The following DISC1 variants were observed in gnomAD, a reference collection of about 807,000 sequenced individuals.
The protein encoded by DISC1 is disrupted in schizophrenia 1 protein.
A neutral mutation model predicts 84.5 loss-of-function variants in DISC1; 57 were observed. That is an observed-to-expected ratio of 0.67 (90% CI 0.55 to 0.84). The LOEUF is 0.84. Among genes scored for constraint, DISC1 ranks in the 40% least tolerant of loss-of-function variants. DISC1 has a pLI of 0.00. For missense variants in DISC1, 1,000 were observed against 1,057.8 expected, an observed-to-expected ratio of 0.95 and a Z score of 0.76; for synonymous variants, 411 against 415.2, an observed-to-expected ratio of 0.99 and a Z score of 0.12.
intron 9 of DISC1, among the ~76,000 whole-genome samples, chr1:231,934,148 A>AG (rs1174400306): frequency 1.3e-5 from 2 of 152,182 alleles, no homozygotes; most frequent in African/African-American, 4.8e-5. Flanking sequence ...AGGCAGGAAA[A>AG]GGGGGGTGAC....
rs999003833 is a variant in DISC1 at position 231,698,616 on chromosome 1, T to A, written c.1048-3339T>A. 7.9e-6 allele frequency among the ~76,000 whole-genome samples: 1 copy of A among 125,908 alleles called. No homozygotes were observed. The allele number at this position is 125,908 out of a possible 152,430, so 82.6% of individuals were successfully genotyped here. On this transcript the variant is annotated intron_variant, in intron 2 of 12. Transcript: ENST00000439617. This position sits in a 1 kb window ranked among gnomAD's most constrained non-coding sequence, Gnocchi z 4.9. ...TCAGGGCAGTCCATTCAGGGCCTTA[T>A]AGAGATCACTGGACGAGGTGGGCAT...
intron 11 of DISC1, among the ~76,000 whole-genome samples, chr1:232,019,670 A>G (rs1235959316): frequency 6.6e-6 from 1 of 152,158 alleles, no homozygotes; most frequent in Non-Finnish European, 1.5e-5. Flanking sequence ...GGTTCAGAAT[A>G]TGTTTATTTG....
At chr1:231,875,844 C>T (rs540098142) in intron 9 of DISC1, among the ~76,000 whole-genome samples, 18 of 152,158 alleles carry the variant, frequency 1.2e-4, no homozygotes, top group Admixed American at 3.9e-4. Context: ...GAATTGGGGC[C>T]ACAAATAAAG....
rs76830016 is a variant in DISC1, at chr1:231,994,692, G to A, written c.2043-14093G>A. On this transcript the variant is annotated intron_variant, in intron 10 of 12. Transcript: ENST00000439617. Reference sequence around the variant, plus strand: ...TGGTGCTGGGAGTGGGGATGGGGATGAGGATGATGAGGATGATGATGAGTA... The same window carrying A: ...TGGTGCTGGGAGTGGGGATGGGGATAAGGATGATGAGGATGATGATGAGTA... Among the ~76,000 whole-genome samples the A allele has an allele frequency of 4.0e-3, 610 of 152,322 alleles. 21 individuals carry two copies. The South Asian group carries it at 0.085, about 21-fold the overall frequency.
chr1:231,650,458 T>G (rs1452503549), intron 1 of DISC1, among the ~76,000 whole-genome samples: 1 of 152,246 alleles, frequency 6.6e-6, no homozygotes, highest in African/African-American at 2.4e-5. Flanking sequence ...CTTCCCTTTG[T>G]GGGTAACCCG....
intron 3 of DISC1, among the ~76,000 whole-genome samples, chr1:231,716,880 G>C (rs775294347): frequency 6.6e-6 from 1 of 152,028 alleles, no homozygotes; most frequent in Admixed American, 6.6e-5. Context: ...CTGGGTGATG[G>C]ACTGGACAGC....
At chr1:231,830,243 T>G (rs7517457) in intron 9 of DISC1, among the ~76,000 whole-genome samples, 132,939 of 152,164 alleles carry the variant, frequency 0.87, 58,113 homozygotes, top group Non-Finnish European at 0.89. Context: ...GAGTGGGAGA[T>G]ATTAAGCTGA....
Position 231,818,192 on chromosome 1 carries a change from T to C in DISC1, c.1793-137T>C, listed in dbSNP as rs974488876. The C allele has an allele frequency of 1.2e-5, 11 of 915,092 alleles. No individual in the cohort carries two copies. In the Admixed American group the frequency reaches 1.8e-4, roughly 15 times the overall value. 56.7% of individuals were successfully genotyped at this position (915,092 alleles called of 1,614,324 possible). A position where few individuals can be genotyped will look rare whatever the true frequency, so the allele number is the denominator to read the frequency against. ...CCAGGTTCTTTCCCCAGAGGACTGC[T>C]AAGGAAATTGTACATAATCTCAAAG... On this transcript the variant is annotated intron_variant, in intron 8 of 12. Coordinates refer to ENST00000439617, the MANE Select transcript of DISC1 (RefSeq NM_018662.3).
intron 9 of DISC1, among the ~76,000 whole-genome samples, chr1:231,860,628 A>AT (rs1475430407): frequency 2.6e-5 from 4 of 152,010 alleles, no homozygotes; most frequent in African/African-American, 9.7e-5. Flanking sequence ...AAGGGCCAAC[A>AT]TTTTTTCCCT....
rs551231564 is a variant in DISC1 at position 231,859,982 on chromosome 1, T to G, written c.1981+41465T>G. ...TCCCATGGCAAGGTGGCTTCCAGTT[T>G]TCATACTCTGTAAAAGGCTTAGTGA... is the stretch of plus-strand genomic sequence containing the variant. On this transcript the variant is annotated intron_variant, in intron 9 of 12. Transcript: ENST00000439617. Among the ~76,000 whole-genome samples the G allele has an allele frequency of 2.0e-5, 3 of 152,314 alleles. No individual in the cohort carries two copies. The East Asian group carries it at 5.8e-4, about 29-fold the overall frequency.
chr1:231,765,482 T>G (rs937469237), intron 4 of DISC1, among the ~76,000 whole-genome samples: 1 of 152,220 alleles, frequency 6.6e-6, no homozygotes, highest in African/African-American at 2.4e-5. Flanking sequence ...TTCTGCCATA[T>G]GTGTAGCAAT....
intron 10 of DISC1, among the ~76,000 whole-genome samples, chr1:231,963,830 G>C (rs1660728166): frequency 6.6e-6 from 1 of 152,096 alleles, no homozygotes; most frequent in African/African-American, 2.4e-5. Flanking sequence ...ACTTTAAGGG[G>C]GTCTGCGTGA....
Position 231,898,333 on chromosome 1 carries a change from T to C in DISC1, c.1982-60495T>C, listed in dbSNP as rs531390859. ...CACTGTTTTCATGTTCAGAAGGAACTCAGGGGTGGGCCAGTTCTGGAGTCC... is the reference window on the plus strand; with the variant it reads ...CACTGTTTTCATGTTCAGAAGGAACCCAGGGGTGGGCCAGTTCTGGAGTCC... On this transcript the variant is annotated intron_variant, in intron 9 of 12. Coordinates refer to ENST00000439617, the MANE Select transcript of DISC1 (RefSeq NM_018662.3). 3.3e-5 allele frequency among the ~76,000 whole-genome samples: 5 copies of C among 152,316 alleles called. No homozygotes were observed. In the South Asian group the frequency reaches 8.3e-4, roughly 25 times the overall value.
chr1:231,691,655 A>G (rs886653501), intron 1 of DISC1, among the ~76,000 whole-genome samples: 12 of 152,248 alleles, frequency 7.9e-5, no homozygotes, highest in Non-Finnish European at 2.9e-5. Context: ...ATTTTTCAAG[A>G]TACGAAATTG....
intron 3 of DISC1, among the ~76,000 whole-genome samples, chr1:231,739,538 C>A (rs1346905211): frequency 6.6e-6 from 1 of 152,172 alleles, no homozygotes; most frequent in Non-Finnish European, 1.5e-5. Flanking sequence ...TGTACAGGCT[C>A]CCAACTTACC....
intron 6 of DISC1, among the ~76,000 whole-genome samples, chr1:231,791,769 G>A (rs138002284): frequency 3.3e-5 from 5 of 152,298 alleles, no homozygotes; most frequent in Non-Finnish European, 7.4e-5. Context: ...AAAGTACACG[G>A]AACTCCTGCT....
At chr1:231,743,651 A>C (rs1434185526) in intron 3 of DISC1, among the ~76,000 whole-genome samples, 1 of 152,252 alleles carries the variant, frequency 6.6e-6, no homozygotes, top group East Asian at 1.9e-4. Flanking sequence ...AGGTCTTATC[A>C]GGCCAGACTC....
At chr1:231,679,282 G>A (rs554424503) in intron 1 of DISC1, among the ~76,000 whole-genome samples, 1 of 152,318 alleles carries the variant, frequency 6.6e-6, no homozygotes, top group Non-Finnish European at 1.5e-5. Flanking sequence ...TCTGTGCCTG[G>A]CTGAGATATC....
rs536258288 is a variant in DISC1, at chr1:231,906,820, A to G, written c.1982-52008A>G. On this transcript the variant is annotated intron_variant, in intron 9 of 12. Coordinates refer to ENST00000439617, the MANE Select transcript of DISC1 (RefSeq NM_018662.3). The stretch of plus-strand genomic sequence containing the variant: ...CGTATTAGGGGAGAAAAAAGGAAGC[A>G]CAAGAAGAAAGGAAAAAAAAAATTA... Among the ~76,000 whole-genome samples, 9 of 152,116 alleles carry G rather than the reference A, an allele frequency of 5.9e-5. No homozygotes were observed. The East Asian group carries it at 1.7e-3, about 29-fold the overall frequency.
Sources: gnomAD v4.1 joint callset for allele counts (sites outside exome capture counted in the v4.1 genomes callset) on GRCh38, gnomAD v4.1.1 for gene constraint, Gnocchi (gnomAD v3.1) non-coding constraint, MANE v1.5 for transcripts, NCBI Gene and HGNC (gene_info 2026-07-23, HGNC 2026-07-21) for gene names.